The following PHLDB2 variants were observed in gnomAD, a reference collection of about 807,000 sequenced individuals.
PHLDB2 encodes the protein pleckstrin homology-like domain family B member 2.
Under a neutral mutation model 123.6 loss-of-function variants are expected in PHLDB2, and 71 were observed. The ratio of observed to expected loss-of-function variants is 0.57; its 90% CI spans 0.47 to 0.70. The LOEUF is 0.70. Ranked by LOEUF, PHLDB2 falls within the 30% of genes least tolerant of loss-of-function variation. The probability of loss-of-function intolerance (pLI) is 0.00; values close to 1 mark genes in which losing one functional copy is unlikely to be tolerated. For synonymous variants in PHLDB2, 547 were observed against 541.6 expected, an observed-to-expected ratio of 1.01 and a Z score of -0.14; for missense variants, 1,446 against 1,519.5, an observed-to-expected ratio of 0.95 and a Z score of 0.80.
intron 1 of PHLDB2, among the ~76,000 whole-genome samples, chr3:111,810,567 T>C (rs772212703): frequency 1.3e-4 from 20 of 152,030 alleles, no homozygotes; most frequent in African/African-American, 4.6e-4. Context: ...ACTAATCCTA[T>C]CAGATTAGGA....
At chr3:111,839,274 T>C (rs778609757) in intron 1 of PHLDB2, among the ~76,000 whole-genome samples, 1 of 152,186 alleles carries the variant, frequency 6.6e-6, no homozygotes, top group Non-Finnish European at 1.5e-5. Flanking sequence ...ATAAAGAATA[T>C]TATTGGGATA....
chr3:111,932,184 A>T, intron 5 of PHLDB2, 85 bp from the exon 6 acceptor site: 1 of 1,403,334 alleles, frequency 7.1e-7, no homozygotes, highest in Non-Finnish European at 9.7e-7. Flanking sequence ...ATGTTTGTTT[A>T]TGTTATCCTT....
chr3:111,845,879 A>T (rs1355804956), exon 2 of PHLDB2: 2 of 1,614,174 alleles, frequency 1.2e-6, no homozygotes, highest in African/African-American at 2.7e-5. Flanking sequence ...ATGGAGGAGG[A>T]GGATACCAAG....
chr3:111,970,577 AAAT>A (rs2072106028), intron 16 of PHLDB2, among the ~76,000 whole-genome samples: 1 of 152,240 alleles, frequency 6.6e-6, no homozygotes, highest in Non-Finnish European at 1.5e-5. Flanking sequence ...TTGGATTCTT[AAAT>A]GTTGGCTGAC....
intron 6 of PHLDB2, 109 bp from the exon 7 acceptor site, chr3:111,939,366 T>C: frequency 8.7e-7 from 1 of 1,146,274 alleles, no homozygotes; most frequent in East Asian, 2.4e-5. Context: ...TGGTCAATAT[T>C]GTAACTGGAA....
intron 1 of PHLDB2, among the ~76,000 whole-genome samples, chr3:111,860,196 A>G (rs1318759551): frequency 2.0e-5 from 3 of 152,142 alleles, no homozygotes; most frequent in Non-Finnish European, 2.9e-5. Flanking sequence ...GCTCCCTGAG[A>G]AAGAGAAGGT....
At chr3:111,860,977 A>C (rs1018832438) in intron 1 of PHLDB2, among the ~76,000 whole-genome samples, 1 of 152,116 alleles carries the variant, frequency 6.6e-6, no homozygotes, top group African/African-American at 2.4e-5. Flanking sequence ...TAAGCTTCCT[A>C]GTTTGGTTTA....
chr3:111,893,012 G>A (rs868222534), intron 2 of PHLDB2, among the ~76,000 whole-genome samples: 1 of 152,116 alleles, frequency 6.6e-6, no homozygotes, highest in African/African-American at 2.4e-5. Context: ...AGTGAGCGTT[G>A]TCAGGTCAAA....
At chr3:111,921,554 T>A (rs372708385) in intron 5 of PHLDB2, among the ~76,000 whole-genome samples, 2 of 151,844 alleles carry the variant, frequency 1.3e-5, no homozygotes, top group East Asian at 3.9e-4. Flanking sequence ...AGAATTAAAC[T>A]GCACAGGCTT....
At chr3:111,831,170 T>A (rs1256372124) in intron 1 of PHLDB2, among the ~76,000 whole-genome samples, 5 of 151,994 alleles carry the variant, frequency 3.3e-5, no homozygotes, top group African/African-American at 1.2e-4. Flanking sequence ...TAAAAGAAAA[T>A]TGTAGATAGT....
Position 111,974,369 on chromosome 3 carries a change from A to G in PHLDB2, c.3622-54A>G, listed in dbSNP as rs2072429763. 8.2e-6 allele frequency: 12 copies of G among 1,469,252 alleles called. No homozygotes were observed. The Admixed American group carries it at 1.8e-4, about 23-fold the overall frequency. The allele number at this position is 1,469,252 out of a possible 1,614,324, so 91.0% of individuals were successfully genotyped here. A position where few individuals can be genotyped will look rare whatever the true frequency, so the allele number is the denominator to read the frequency against. On this transcript the variant is annotated intron_variant, in intron 17 of 17. Transcript: ENST00000431670. ...AGTCATCACATGTCTGTGTTATTTAATGTTGTATTTTAAGATGTTTATTTT... is the reference window on the plus strand; with the variant it reads ...AGTCATCACATGTCTGTGTTATTTAGTGTTGTATTTTAAGATGTTTATTTT...
At chr3:111,794,166 A>G (rs2108217024) in intron 1 of PHLDB2, among the ~76,000 whole-genome samples, 1 of 152,062 alleles carries the variant, frequency 6.6e-6, no homozygotes, top group Admixed American at 6.5e-5. Context: ...GCTTTCCAGA[A>G]CCCAGTCGCT....
At chr3:111,746,060 CTA>C (rs1192853002) in intron 1 of PHLDB2, among the ~76,000 whole-genome samples, 1 of 152,188 alleles carries the variant, frequency 6.6e-6, no homozygotes. Context: ...TAAGAAAAGA[CTA>C]TTATTCTCTA....
intron 1 of PHLDB2, among the ~76,000 whole-genome samples, chr3:111,757,126 C>G (rs2059905192): frequency 6.6e-6 from 1 of 152,266 alleles, no homozygotes; most frequent in South Asian, 2.1e-4. Flanking sequence ...AATTAAGTGT[C>G]TTGGAGTTGC....
intron 1 of PHLDB2, among the ~76,000 whole-genome samples, chr3:111,867,909 C>T (rs970334935): frequency 6.6e-6 from 1 of 151,412 alleles, no homozygotes; most frequent in Admixed American, 6.6e-5. Context: ...ACCATGTTGC[C>T]CAAGCTGGTC....
chr3:111,945,238 T>C, intron 8 of PHLDB2, 30 bp from the exon 9 acceptor site: 1 of 1,501,828 alleles, frequency 6.7e-7, no homozygotes, highest in Non-Finnish European at 9.2e-7. Context: ...AGGTTGACTT[T>C]TAAGTTTAAT....
At chr3:111,832,662 A>G (rs1200282654) in intron 1 of PHLDB2, among the ~76,000 whole-genome samples, 1 of 114,976 alleles carries the variant, frequency 8.7e-6, no homozygotes, top group Non-Finnish European at 1.7e-5. Context: ...TATACATATA[A>G]TATATATAAT....
intron 2 of PHLDB2, among the ~76,000 whole-genome samples, chr3:111,904,359 G>A (rs1277834268): frequency 6.6e-6 from 1 of 151,440 alleles, no homozygotes; most frequent in Admixed American, 6.6e-5. Context: ...ATGACAGAGA[G>A]GTACTGAGCC....
intron 2 of PHLDB2, among the ~76,000 whole-genome samples, chr3:111,895,857 A>ATCT (rs1553746616): frequency 0.068 from 6,510 of 95,928 alleles, 190 homozygotes; most frequent in East Asian, 0.092. Flanking sequence ...AAAAAAAAAA[A>ATCT]ATCTATCTAT....
Sources: gnomAD v4.1 joint callset for allele counts (sites outside exome capture counted in the v4.1 genomes callset) on GRCh38, gnomAD v4.1.1 for gene constraint, MANE v1.5 for transcripts, NCBI Gene and HGNC (gene_info 2026-07-23, HGNC 2026-07-21) for gene names.